The following ZFP2 variants were observed in gnomAD, a reference collection of about 807,000 sequenced individuals.
The protein encoded by ZFP2 is zinc finger protein ZFP2.
In ZFP2, 33 loss-of-function variants were observed where a neutral mutation model predicts 36.1. The observed-to-expected ratio is 0.92, with a 90% confidence interval of 0.69 to 1.22. The LOEUF (loss-of-function observed/expected upper bound fraction) is 1.22. Ranked by LOEUF, ZFP2 falls within the 50% of genes most tolerant of loss-of-function variation. ZFP2 has a pLI of 0.00. For missense variants in ZFP2, 522 were observed against 551.4 expected, an observed-to-expected ratio of 0.95 and a Z score of 0.53; for synonymous variants, 170 against 178.0, an observed-to-expected ratio of 0.96 and a Z score of 0.36.
chr5:178,924,373 A>C (rs1184214607), intron 4 of ZFP2, among the ~76,000 whole-genome samples: 16 of 2,190 alleles, frequency 7.3e-3, no homozygotes, highest in Admixed American at 0.069. Context: ...ACTCTGTCTC[A>C]AAAAAAAAAA....
At position 178,921,713 on chromosome 5, in the gene ZFP2, A is replaced by C. The variant is rs552988557; in HGVS notation, c.-78+5003A>C. Among the ~76,000 whole-genome samples, 224 of 149,570 alleles carry C rather than the reference A, an allele frequency of 1.5e-3. 2 individuals are homozygous for C. The highest frequency in any genetic ancestry group is 5.2e-3 in the African/African-American group (216 of 41,312). On this transcript the variant is annotated intron_variant, in intron 4 of 4. Transcript: ENST00000361362. ...GTGCCTGTTTTCAGATGGCTGTATA[A>C]GTTTAGTACAGAAGACAGCTGAGGA...
chr5:178,921,744 A>AG (rs2113107314), intron 4 of ZFP2, among the ~76,000 whole-genome samples: 2 of 149,468 alleles, frequency 1.3e-5, no homozygotes, highest in East Asian at 3.9e-4. Context: ...GAGGAAAAAA[A>AG]GGAAGCTCAC....
intron 1 of ZFP2, among the ~76,000 whole-genome samples, chr5:178,905,525 A>G (rs1435905192): frequency 6.6e-6 from 1 of 152,186 alleles, no homozygotes; most frequent in Non-Finnish European, 1.5e-5. Context: ...AGTTTTTTCA[A>G]ACAATAACTG....
intron 4 of ZFP2, 55 bp downstream of exon 4, chr5:178,916,765 A>G: frequency 5.1e-6 from 5 of 974,600 alleles, no homozygotes; most frequent in Non-Finnish European, 6.1e-6. Context: ...AAGGTGAAAT[A>G]ACATGTCAGA....
chr5:178,932,928 C>A lies in ZFP2; in HGVS notation c.*229C>A, dbSNP rs1758879348. The A allele has an allele frequency of 2.0e-6, 1 of 496,720 alleles. No homozygotes were observed. Among genetic ancestry groups the A allele is most frequent in the Admixed American group, 3.9e-5 (1 of 25,444 alleles). The allele number at this position is 496,720 out of a possible 1,614,324, so 30.8% of individuals were successfully genotyped here. A position where few individuals can be genotyped will look rare whatever the true frequency, so the allele number is the denominator to read the frequency against. On this transcript the variant is annotated 3_prime_UTR_variant, in exon 5 of 5. Transcript: ENST00000361362. ...AGAAGGTTTAAATAGCTAATATAAA[C>A]AATGAAGAGTCATGCTGAAGATAAG... is the stretch of plus-strand genomic sequence containing the variant.
intron 1 of ZFP2, chr5:178,910,366 C>A: frequency 9.5e-7 from 1 of 1,049,510 alleles, no homozygotes; most frequent in Non-Finnish European, 1.5e-6. Flanking sequence ...AAGGAAGACT[C>A]CTCGGCACTG....
intron 4 of ZFP2, among the ~76,000 whole-genome samples, chr5:178,929,637 A>G (rs1375665097): frequency 1.3e-5 from 2 of 152,186 alleles, no homozygotes; most frequent in East Asian, 3.9e-4. Context: ...TATCACTATC[A>G]GCATTTTGGT....
chr5:178,912,519 C>A, intron 1 of ZFP2, 65 bp from the exon 2 acceptor site: 1 of 312,900 alleles, frequency 3.2e-6, no homozygotes, highest in Non-Finnish European at 4.7e-6. Flanking sequence ...CCTTTCAGTG[C>A]TGCTGGGATT....
intron 1 of ZFP2, among the ~76,000 whole-genome samples, chr5:178,896,306 G>T (rs555809711): frequency 6.6e-6 from 1 of 152,228 alleles, no homozygotes; most frequent in Non-Finnish European, 1.5e-5. Flanking sequence ...GCCACCACGG[G>T]TCAGGGAGGG....
intron 1 of ZFP2, among the ~76,000 whole-genome samples, chr5:178,910,856 C>T (rs1758283196): frequency 6.6e-6 from 1 of 152,178 alleles, no homozygotes; most frequent in Non-Finnish European, 1.5e-5. Context: ...CCACCGCCTC[C>T]TTCATCTGCC....
At chr5:178,922,335 G>C (rs1758574796) in intron 4 of ZFP2, 1 of 971,102 alleles carries the variant, frequency 1.0e-6, no homozygotes, top group South Asian at 1.3e-5. Flanking sequence ...CTTATGTCTT[G>C]TTTCTCCTTT....
intron 1 of ZFP2, among the ~76,000 whole-genome samples, chr5:178,906,552 CTTTA>C (rs151293252): frequency 0.086 from 13,010 of 151,562 alleles, 1,082 homozygotes; most frequent in East Asian, 0.26. Flanking sequence ...GAGTTTTTGT[CTTTA>C]TTTATTTATT....
Position 178,912,322 on chromosome 5 carries a change from A to T in ZFP2, c.-449-262A>T, listed in dbSNP as rs536118067. Reference sequence around the variant, plus strand: ...GTGAATAGGAGGTGATCACAACACCACTCCTTCCTCTCCCATGGGAATCTA... The same window carrying T: ...GTGAATAGGAGGTGATCACAACACCTCTCCTTCCTCTCCCATGGGAATCTA... On this transcript the variant is annotated intron_variant, in intron 1 of 4. Transcript: ENST00000361362. Among the ~76,000 whole-genome samples, 5 of 148,406 alleles carry T rather than the reference A, an allele frequency of 3.4e-5. No individual in the cohort carries two copies. The South Asian group carries it at 6.5e-4, about 19-fold the overall frequency.
chr5:178,909,005 A>T (rs1049956715), intron 1 of ZFP2, among the ~76,000 whole-genome samples: 6 of 151,226 alleles, frequency 4.0e-5, no homozygotes, highest in African/African-American at 1.5e-4. Context: ...CCGCACCGTT[A>T]TCTAAGCCCA....
chr5:178,912,752 T>G lies in ZFP2; in HGVS notation c.-314+33T>G, dbSNP rs544559173. The G allele has an allele frequency of 2.4e-5, 25 of 1,056,988 alleles. No homozygotes were observed. The Middle Eastern group carries it at 1.4e-3, about 59-fold the overall frequency. The allele number at this position is 1,056,988 out of a possible 1,614,324, so 65.5% of individuals were successfully genotyped here. On this transcript the variant is annotated intron_variant, in intron 2 of 4. Coordinates refer to ENST00000361362, the MANE Select transcript of ZFP2 (RefSeq NM_030613.4). The stretch of plus-strand genomic sequence containing the variant: ...CTTCTTGTAACTCAAAACCCACCTC[T>G]TGACAATCATAAGGCCTGATCATAA...
Position 178,913,118 on chromosome 5 carries a change from G to A in ZFP2, c.-224+47G>A, listed in dbSNP as rs956917974. 3.1e-6 allele frequency: 3 copies of A among 955,576 alleles called. No homozygotes were observed. In the African/African-American group the frequency reaches 5.3e-5, roughly 17 times the overall value. 59.2% of individuals were successfully genotyped at this position (955,576 alleles called of 1,614,324 possible). On this transcript the variant is annotated intron_variant, in intron 3 of 4. Coordinates refer to ENST00000361362, the MANE Select transcript of ZFP2 (RefSeq NM_030613.4). Reference sequence around the variant, plus strand: ...CTTGTTAAATGAGTGTGTCTTTGGGGAAAATCACTTCAGAGATTGTTGGGT... The same window carrying A: ...CTTGTTAAATGAGTGTGTCTTTGGGAAAAATCACTTCAGAGATTGTTGGGT...
chr5:178,896,729 CTT>C lies in ZFP2; in HGVS notation c.-450+757_-450+758del, dbSNP rs538512438. On this transcript the variant is annotated intron_variant, in intron 1 of 4. Coordinates refer to ENST00000361362, the MANE Select transcript of ZFP2 (RefSeq NM_030613.4). ...GGATATGTGTATAAGCATAGAAACACTTTGTACTTTGTTTTTAAACAGAAATA... is the reference window on the plus strand; with the variant it reads ...GGATATGTGTATAAGCATAGAAACACTGTACTTTGTTTTTAAACAGAAATA... 1.4e-3 allele frequency among the ~76,000 whole-genome samples: 217 copies of C among 152,284 alleles called. 3 individuals are homozygous for C. The South Asian group carries it at 0.043, about 30-fold the overall frequency.
rs1342477178 is a variant in ZFP2, at chr5:178,933,091, C to CT, written c.*393dup. The CT allele has an allele frequency of 5.7e-6, 1 of 174,656 alleles. No homozygotes were observed. The highest frequency in any genetic ancestry group is 1.4e-5 in the Non-Finnish European group (1 of 73,200). The allele number at this position is 174,656 out of a possible 1,614,324, so 10.8% of individuals were successfully genotyped here. ...TCTGCCACTGCCTTGGACAACTTGC[C>CT]TACTTCCACCAGGTTATGGTTCTTT... On this transcript the variant is annotated 3_prime_UTR_variant, in exon 5 of 5. Transcript: ENST00000361362.
intron 4 of ZFP2, among the ~76,000 whole-genome samples, chr5:178,923,770 A>G (rs1345334534): frequency 1.4e-5 from 2 of 147,940 alleles, no homozygotes; most frequent in Non-Finnish European, 3.0e-5. Context: ...TTCTTTCGTA[A>G]GCATCAACTC....
Sources: gnomAD v4.1 joint callset for allele counts (sites outside exome capture counted in the v4.1 genomes callset) on GRCh38, gnomAD v4.1.1 for gene constraint, MANE v1.5 for transcripts, NCBI Gene and HGNC (gene_info 2026-07-23, HGNC 2026-07-21) for gene names.